The following EHMT1 variants were observed in gnomAD, a reference collection of about 807,000 sequenced individuals.
EHMT1 encodes the protein histone-lysine N-methyltransferase EHMT1.
Under a neutral mutation model 147.2 loss-of-function variants are expected in EHMT1, and 15 were observed. The ratio of observed to expected loss-of-function variants is 0.10; its 90% CI spans 0.07 to 0.16. The LOEUF (loss-of-function observed/expected upper bound fraction) is 0.16. EHMT1 is among the 10% of genes least tolerant of loss of function. The pLI, the probability that EHMT1 is intolerant of heterozygous loss-of-function variation, is 1.00. For synonymous variants in EHMT1, 795 were observed against 709.6 expected (o/e 1.12, Z -1.91); for missense variants, 1,587 against 1,772.4 (o/e 0.90, Z 1.88).
At position 137,662,796 on chromosome 9, in the gene EHMT1, A is replaced by T. The variant is rs1235030741; in HGVS notation, c.21+43747A>T. ...CTGAATTTTATTTATTTATTTATTT[A>T]TTTATTTATTTATTTTTGACAGAGT... On this transcript the variant is annotated intron_variant, in intron 1 of 26. Transcript: ENST00000460843. Among the ~76,000 whole-genome samples, 54 of 138,724 alleles carry T rather than the reference A, an allele frequency of 3.9e-4. 2 individuals are homozygous for T. Among genetic ancestry groups the T allele is most frequent in the African/African-American group, 9.8e-4 (34 of 34,852 alleles). The allele number at this position is 138,724 out of a possible 152,430, so 91.0% of individuals were successfully genotyped here. A position where few individuals can be genotyped will look rare whatever the true frequency, so the allele number is the denominator to read the frequency against.
chr9:137,706,918 A>T (rs1944316213), intron 1 of EHMT1, among the ~76,000 whole-genome samples: 1 of 146,894 alleles, frequency 6.8e-6, no homozygotes, highest in African/African-American at 2.5e-5. Flanking sequence ...GCCCCCGCCC[A>T]GGTTAAAGTG....
intron 10 of EHMT1, among the ~76,000 whole-genome samples, chr9:137,769,622 A>G (rs576774724): frequency 1.2e-4 from 18 of 150,598 alleles, no homozygotes; most frequent in Non-Finnish European, 2.2e-4. Context: ...TTTGCATACT[A>G]TATGTCATTT....
rs761151861 is a variant in EHMT1 at position 137,797,737 on chromosome 9, G to A, written c.2506-1076G>A. On this transcript the variant is annotated intron_variant, in intron 16 of 26. Transcript: ENST00000460843. ...GAGCAGTATGTGCAGTGATGCCTGC[G>A]AAACTCTATGACTGCTACACGGACT... is the stretch of plus-strand genomic sequence containing the variant. 5.3e-5 allele frequency among the ~76,000 whole-genome samples: 8 copies of A among 152,030 alleles called. No individual in the cohort carries two copies. The South Asian group carries it at 8.3e-4, about 16-fold the overall frequency.
chr9:137,629,253 T>C (rs2480116), intron 1 of EHMT1, among the ~76,000 whole-genome samples: 34,968 of 150,994 alleles, frequency 0.23, 4,891 homozygotes, highest in African/African-American at 0.39. Context: ...CCACCATGCC[T>C]GGCTAATTTT....
At chr9:137,814,999 C>T (rs74499730) in intron 22 of EHMT1, among the ~76,000 whole-genome samples, 6 of 151,632 alleles carry the variant, frequency 4.0e-5, no homozygotes, top group South Asian at 2.1e-4. Flanking sequence ...GAGGAGGAGA[C>T]GGGAGTGGGG....
chr9:137,734,462 T>G (rs141857326), intron 4 of EHMT1, among the ~76,000 whole-genome samples: 1 of 152,060 alleles, frequency 6.6e-6, no homozygotes, highest in East Asian at 1.9e-4. Context: ...ACAACAAGAC[T>G]GAAGGGAAGT....
chr9:137,676,532 ATT>A (rs1941342535), intron 1 of EHMT1: 3 of 152,216 alleles, frequency 2.0e-5, no homozygotes, highest in Non-Finnish European at 2.9e-5. Flanking sequence ...CACCCGGCTA[ATT>A]TTTACATTAT....
At chr9:137,655,638 G>A (rs1343674994) in intron 1 of EHMT1, among the ~76,000 whole-genome samples, 2 of 152,222 alleles carry the variant, frequency 1.3e-5, no homozygotes, top group Non-Finnish European at 2.9e-5. Context: ...CCACCCAGCA[G>A]GACTTGAGCG....
intron 1 of EHMT1, among the ~76,000 whole-genome samples, chr9:137,670,384 C>T (rs1002274299): frequency 6.6e-6 from 1 of 152,172 alleles, no homozygotes; most frequent in Non-Finnish European, 1.5e-5. Flanking sequence ...CTAGTCCCCT[C>T]TCCTGCCCTG....
intron 1 of EHMT1, among the ~76,000 whole-genome samples, chr9:137,651,916 G>T (rs1483162470): frequency 6.6e-6 from 1 of 152,198 alleles, no homozygotes; most frequent in Non-Finnish European, 1.5e-5. Context: ...GCTATCAGTT[G>T]TCTAAAAGTC....
intron 25 of EHMT1, among the ~76,000 whole-genome samples, chr9:137,823,805 G>A (rs970132587): frequency 5.3e-5 from 8 of 152,016 alleles, no homozygotes; most frequent in Admixed American, 1.3e-4. Context: ...TGACCCACCC[G>A]CCTCAGCCTC....
intron 15 of EHMT1, chr9:137,784,131 C>G: frequency 6.5e-7 from 1 of 1,536,310 alleles, no homozygotes. Flanking sequence ...AGCCCAAGGT[C>G]GAGGGGCTGC....
chr9:137,683,350 TTAA>T (rs1329243418), intron 1 of EHMT1, among the ~76,000 whole-genome samples: 1 of 152,226 alleles, frequency 6.6e-6, no homozygotes, highest in African/African-American at 2.4e-5. Flanking sequence ...CCCCAGGGAA[TTAA>T]TAAGGCTGGG....
At chr9:137,704,024 G>A (rs1403738592) in intron 1 of EHMT1, among the ~76,000 whole-genome samples, 8 of 152,126 alleles carry the variant, frequency 5.3e-5, no homozygotes, top group Non-Finnish European at 1.2e-4. Context: ...GGGGAAGCGA[G>A]CACATCTTAC....
intron 1 of EHMT1, among the ~76,000 whole-genome samples, chr9:137,669,241 C>T (rs1157467200): frequency 2.0e-5 from 3 of 151,478 alleles, no homozygotes; most frequent in East Asian, 1.9e-4. Flanking sequence ...TCGCACCCTG[C>T]ACCCTTCTCG....
chr9:137,677,520 G>T (rs552093189), intron 1 of EHMT1, among the ~76,000 whole-genome samples: 2 of 151,998 alleles, frequency 1.3e-5, no homozygotes, highest in East Asian at 3.9e-4. Context: ...CTGCCTCCCG[G>T]GTTCACGCCA....
At chr9:137,712,917 A>G (rs934898018) in intron 2 of EHMT1, among the ~76,000 whole-genome samples, 1 of 151,846 alleles carries the variant, frequency 6.6e-6, no homozygotes, top group Non-Finnish European at 1.5e-5. Context: ...TATCTCTTTT[A>G]TTTAGGTTTT....
At chr9:137,702,736 G>A (rs754744231) in intron 1 of EHMT1, among the ~76,000 whole-genome samples, 1 of 152,186 alleles carries the variant, frequency 6.6e-6, no homozygotes, top group African/African-American at 2.4e-5. Flanking sequence ...TCTATGTGGG[G>A]CTCCAGTCCC....
intron 1 of EHMT1, among the ~76,000 whole-genome samples, chr9:137,698,294 A>G (rs779413770): frequency 3.9e-4 from 60 of 152,256 alleles, no homozygotes; most frequent in Non-Finnish European, 6.8e-4. Flanking sequence ...CTTCTGAGGT[A>G]ACTGTGATGT....
Sources: allele counts gnomAD v4.1 joint callset (sites outside exome capture counted in the v4.1 genomes callset), GRCh38; gene constraint gnomAD v4.1.1; transcripts MANE v1.5; gene names NCBI Gene and HGNC (gene_info 2026-07-23, HGNC 2026-07-21).